The following NOTCH1 variants were observed in gnomAD, a reference collection of about 807,000 sequenced individuals.
NOTCH1 encodes the protein notch receptor 1, also known as neurogenic locus notch homolog protein 1.
NOTCH1 carries 37 observed loss-of-function variants against 254.8 expected under a neutral mutation model. That is an observed-to-expected ratio of 0.15 (90% CI 0.11 to 0.19). The LOEUF is 0.19. Ranked by LOEUF, NOTCH1 falls within the 10% of genes least tolerant of loss-of-function variation. NOTCH1 has a pLI of 1.00. For synonymous variants in NOTCH1, 1,731 were observed against 1,618.1 expected (o/e 1.07, Z -1.68); for missense variants, 2,972 against 3,708.6 (o/e 0.80, Z 5.16).
chr9:136,511,758 G>C lies in NOTCH1; in HGVS notation c.2468-487C>G, dbSNP rs548923103. ...AGGCAGCAAACGCCCATCACGGGAG[G>C]CCAACAAACAAGGGCTGCGATGGAG... On this transcript the variant is annotated intron_variant, in intron 15 of 33. Coordinates refer to ENST00000651671, the MANE Select transcript of NOTCH1 (RefSeq NM_017617.5). Among the ~76,000 whole-genome samples, 3 of 152,342 alleles carry C rather than the reference G, an allele frequency of 2.0e-5. No homozygotes were observed. The East Asian group carries it at 5.8e-4, about 29-fold the overall frequency.
At position 136,503,299 on chromosome 9, in the gene NOTCH1, G is replaced by T. The variant is rs1843029493; in HGVS notation, c.5050C>A (p.Gln1684Lys). The part of the protein sequence containing the change: ...SIVYLEIDNR[Q>K]CVQASSQCFQ... ...CACTGCGAGGAGGCCTGCACACACTGCCGGTTGTCAATCTCCAGGTAGACG... is the reference window on the plus strand; with the variant it reads ...CACTGCGAGGAGGCCTGCACACACTTCCGGTTGTCAATCTCCAGGTAGACG... Residue 1684 changes from glutamine to lysine, a missense_variant, in exon 27 of 34, where the codon CAG (glutamine) becomes AAG (lysine). Coordinates refer to ENST00000651671, the MANE Select transcript of NOTCH1 (RefSeq NM_017617.5). The T allele has an allele frequency of 3.1e-6, 5 of 1,612,848 alleles. No individual in the cohort carries two copies. In the Admixed American group the frequency reaches 8.3e-5, roughly 27 times the overall value.
At chr9:136,522,105 G>A (rs1466278775) in intron 4 of NOTCH1, among the ~76,000 whole-genome samples, 6 of 151,786 alleles carry the variant, frequency 4.0e-5, no homozygotes, top group African/African-American at 1.5e-4. Flanking sequence ...AGCCTCCTGA[G>A]TAGCTGGGAC....
intron 2 of NOTCH1, among the ~76,000 whole-genome samples, chr9:136,533,466 C>T (rs1843594500): frequency 1.3e-5 from 2 of 152,280 alleles, no homozygotes; most frequent in African/African-American, 4.8e-5. Flanking sequence ...CGCGGCCCTG[C>T]TGTGCGGCAC....
At chr9:136,511,295 C>T (rs1843178291) in intron 15 of NOTCH1, 24 bp from the exon 16 acceptor site, 4 of 1,598,274 alleles carry the variant, frequency 2.5e-6, no homozygotes, top group Admixed American at 3.4e-5. Flanking sequence ...ACACACGTGA[C>T]CCCGGGAGCC....
rs771318379 is a variant in NOTCH1, at chr9:136,496,327, G to A, written c.7412C>T (p.Ser2471Leu). 5.6e-6 allele frequency: 9 copies of A among 1,594,508 alleles called. No individual in the cohort carries two copies. Among genetic ancestry groups the A allele is most frequent in the South Asian group, 1.1e-5 (1 of 89,496 alleles). Residue 2471 changes from serine (S) to leucine (L), a missense_variant, in exon 34 of 34, where the codon TCG (serine) becomes TTG (leucine). Around this residue, in one of 8 missense-constraint regions of NOTCH1, gnomAD observed 85 missense variants for 126.1 expected, o/e 0.67. Coordinates refer to ENST00000651671, the MANE Select transcript of NOTCH1 (RefSeq NM_017617.5). ...GGCTGCGGTCACGGGTGGGACCAGC[G>A]AGGATGGCAGCGACGTGGGCAGGGC... ...SPALPTSLPS[S>L]LVPPVTAAQF...
intron 2 of NOTCH1, among the ~76,000 whole-genome samples, chr9:136,536,909 A>C (rs1843665515): frequency 6.6e-6 from 1 of 152,260 alleles, no homozygotes; most frequent in South Asian, 2.1e-4. Flanking sequence ...TTACAGCACC[A>C]GGCGTGTGGA....
At chr9:136,514,076 C>A (rs970022902) in intron 13 of NOTCH1, among the ~76,000 whole-genome samples, 1 of 152,182 alleles carries the variant, frequency 6.6e-6, no homozygotes, top group African/African-American at 2.4e-5. Flanking sequence ...TAGGGTGCTG[C>A]GAAAAGCCCC....
At chr9:136,507,706 G>A (rs556574557) in intron 21 of NOTCH1, among the ~76,000 whole-genome samples, 1 of 152,256 alleles carries the variant, frequency 6.6e-6, no homozygotes, top group East Asian at 1.9e-4. Flanking sequence ...TGTTGGCCAA[G>A]CCCAGACACA....
intron 2 of NOTCH1, among the ~76,000 whole-genome samples, chr9:136,530,124 G>A (rs960878742): frequency 2.0e-5 from 3 of 152,240 alleles, no homozygotes; most frequent in African/African-American, 7.2e-5. Flanking sequence ...AGCAGGGGGC[G>A]GAGTTGGGTG....
Position 136,495,878 on chromosome 9 carries a change from A to C in NOTCH1, c.*193T>G, listed in dbSNP as rs1250617603. The stretch of plus-strand genomic sequence containing the variant: ...GGGCCAGATAAAACAGTACATATAA[A>C]TAAAAAGGCAGTGTTTCTGTGTAAA... On this transcript the variant is annotated 3_prime_UTR_variant, in exon 34 of 34. Transcript: ENST00000651671. 4.7e-6 allele frequency: 3 copies of C among 632,330 alleles called. No homozygotes were observed. Among genetic ancestry groups the C allele is most frequent in the Non-Finnish European group, 7.8e-6 (3 of 382,892 alleles). The allele number at this position is 632,330 out of a possible 1,614,324, so 39.2% of individuals were successfully genotyped here.
intron 2 of NOTCH1, among the ~76,000 whole-genome samples, chr9:136,533,368 G>A (rs1843592107): frequency 6.6e-6 from 1 of 152,224 alleles, no homozygotes; most frequent in Non-Finnish European, 1.5e-5. Flanking sequence ...TCAACCCCTG[G>A]CGGCTCCCCC....
rs2133354499 is a variant in NOTCH1 at position 136,511,174 on chromosome 9, A to G, written c.2565T>C (p.Cys855=). 6.2e-7 allele frequency: 1 copy of G among 1,612,768 alleles called. No homozygotes were observed. The highest frequency in any genetic ancestry group is 2.2e-5 in the East Asian group (1 of 44,856). The stretch of plus-strand genomic sequence containing the variant: ...CACCTTGCCAGCCCGTGGGGCAGAC[A>G]CAGGAGAAGCTCTCATAGTCCTCGG... ...RQSEDYESFS[C]VCPTGWQGQT... is the part of the protein sequence containing the mutation. The change falls in exon 16 of 34, where the codon TGT becomes TGC. Residue 855 remains cysteine (C), a synonymous_variant. Coordinates refer to ENST00000651671, the MANE Select transcript of NOTCH1 (RefSeq NM_017617.5).
rs113561821 is a variant in NOTCH1 at position 136,543,540 on chromosome 9, G to A, written c.140+484C>T. The A allele has an allele frequency of 5.0e-3, 1,590 of 315,066 alleles. 28 individuals are homozygous for A. Among genetic ancestry groups the A allele is most frequent in the African/African-American group, 0.034 (1,497 of 44,658 alleles). The allele number at this position is 315,066 out of a possible 1,614,324, so 19.5% of individuals were successfully genotyped here. On this transcript the variant is annotated intron_variant, in intron 2 of 33. Transcript: ENST00000651671. ...CCAGGAGGTGGCATCACCTGTGCCA[G>A]AGGAGGCATCACTACCAGCCCAAGA...
rs373152976 is a variant in NOTCH1 at position 136,517,831 on chromosome 9, G to A, written c.1362C>T (p.Asn454=). 1.1e-5 allele frequency: 18 copies of A among 1,612,728 alleles called. No individual in the cohort carries two copies. The highest frequency in any genetic ancestry group is 4.5e-5 in the East Asian group (2 of 44,888). The change falls in exon 8 of 34, where the codon AAC becomes AAT. Residue 454 remains asparagine (N), a synonymous_variant. Coordinates refer to ENST00000651671, the MANE Select transcript of NOTCH1 (RefSeq NM_017617.5). ...TCTGGCACGGGTTCGAGACGCACTC[G>A]TTGACGTCGATCTCGCATCGGGGGC... ...YTGPRCEIDV[N]ECVSNPCQND...
intron 4 of NOTCH1, among the ~76,000 whole-genome samples, chr9:136,520,570 CA>C (rs1316406502): frequency 1.3e-5 from 2 of 150,462 alleles, no homozygotes; most frequent in South Asian, 2.1e-4. Flanking sequence ...CCCGTCTCTA[CA>C]AAAAAAAATA....
At chr9:136,539,032 G>A (rs902436640) in intron 2 of NOTCH1, among the ~76,000 whole-genome samples, 4 of 152,220 alleles carry the variant, frequency 2.6e-5, no homozygotes, top group African/African-American at 9.6e-5. Flanking sequence ...CAGGGAATGA[G>A]GAATGAAGCC....
chr9:136,496,706 C>T lies in NOTCH1; in HGVS notation c.7033G>A (p.Gly2345Ser), dbSNP rs1325758824. Residue 2345 changes from glycine (G) to serine (S), a missense_variant, in exon 34 of 34, where the codon GGC becomes AGC. Physicochemically the swap from Gly to Ser is moderately conservative, Grantham distance 56. This residue lies in a region of NOTCH1 where 529 missense variants were observed against 529.2 expected (regional missense o/e 1.00). Coordinates refer to ENST00000651671, the MANE Select transcript of NOTCH1 (RefSeq NM_017617.5). ...LSTQAPSLQH[G>S]MVGPLHSSLA... is the part of the protein sequence containing the mutation. ...CTACTGTGCAGCGGGCCTACCATGC[C>T]ATGCTGCAGGGAGGGGGCCTGTGTG... The T allele has an allele frequency of 3.6e-5, 58 of 1,612,756 alleles. No individual in the cohort carries two copies. The highest frequency in any genetic ancestry group is 4.9e-5 in the Non-Finnish European group (58 of 1,179,976).
chr9:136,510,132 C>T (rs764285163), intron 17 of NOTCH1, among the ~76,000 whole-genome samples, 171 bp from the exon 18 acceptor site: 2 of 152,184 alleles, frequency 1.3e-5, no homozygotes, highest in African/African-American at 2.4e-5. Flanking sequence ...CCACAGGCTG[C>T]GTCACACCCG....
Position 136,515,665 on chromosome 9 carries a change from G to A in NOTCH1, c.1721C>T (p.Pro574Leu), listed in dbSNP as rs771263341. The A allele has an allele frequency of 6.4e-6, 10 of 1,572,100 alleles. No individual in the cohort carries two copies. The highest frequency in any genetic ancestry group is 1.1e-5 in the South Asian group (1 of 87,390). Residue 574 changes from proline (P) to leucine (L), a missense_variant, in exon 11 of 34, where the codon CCC becomes CTC. By Grantham distance (98) the Pro-to-Leu change is moderately conservative. Around this residue, in one of 8 missense-constraint regions of NOTCH1, gnomAD observed 128 missense variants for 193.8 expected, o/e 0.66. Transcript: ENST00000651671. ...EVDIDECDPD[P>L]CHYGSCKDGV... ...GTCCTTGCAGGAGCCGTAGTGGCAG[G>A]GGTCGGGGTCGCACTCATCGATGTC...
Sources: gnomAD v4.1 joint callset for allele counts (sites outside exome capture counted in the v4.1 genomes callset) on GRCh38, gnomAD v4.1.1 for gene constraint, gnomAD v4.1.1 regional missense constraint, MANE v1.5 for transcripts, NCBI Gene and HGNC (gene_info 2026-07-23, HGNC 2026-07-21) for gene names.